The following L3MBTL4 variants were observed in gnomAD, a reference collection of about 807,000 sequenced individuals.
The protein encoded by L3MBTL4 is lethal(3)malignant brain tumor-like protein 4.
Under a neutral mutation model 84.5 loss-of-function variants are expected in L3MBTL4, and 70 were observed. The observed-to-expected ratio is 0.83, with a 90% CI of 0.68 to 1.01. L3MBTL4 has a LOEUF of 1.01. L3MBTL4 is among the 50% of genes least tolerant of loss of function. The probability of loss-of-function intolerance (pLI) is 0.00; values close to 1 mark genes in which losing one functional copy is unlikely to be tolerated. For synonymous variants in L3MBTL4, 274 were observed against 259.8 expected (o/e 1.05, Z -0.52); for missense variants, 715 against 754.8 (o/e 0.95, Z 0.62).
At chr18:6,148,498 T>C (rs1859787371) in intron 13 of L3MBTL4, among the ~76,000 whole-genome samples, 1 of 152,154 alleles carries the variant, frequency 6.6e-6, no homozygotes, top group South Asian at 2.1e-4. Flanking sequence ...CTATCACGGT[T>C]CACTGCAGCA....
At chr18:5,980,654 A>T (rs539795505) in intron 16 of L3MBTL4, among the ~76,000 whole-genome samples, 1 of 151,904 alleles carries the variant, frequency 6.6e-6, no homozygotes, top group East Asian at 1.9e-4. Flanking sequence ...CTGGTCTCGA[A>T]CTCCTGACCT....
intron 4 of L3MBTL4, among the ~76,000 whole-genome samples, chr18:6,293,304 A>AT: frequency 6.6e-6 from 1 of 152,146 alleles, no homozygotes; most frequent in Admixed American, 6.5e-5. Context: ...GAAATGACTG[A>AT]TTCAACGTCT....
chr18:6,209,205 T>A (rs534095791), intron 12 of L3MBTL4, among the ~76,000 whole-genome samples: 2 of 152,280 alleles, frequency 1.3e-5, no homozygotes, highest in African/African-American at 2.4e-5. Flanking sequence ...AAAGAGTTGA[T>A]GTGAAGCCAA....
At chr18:6,353,678 C>T (rs565568970) in intron 1 of L3MBTL4, among the ~76,000 whole-genome samples, 77 of 151,886 alleles carry the variant, frequency 5.1e-4, no homozygotes, top group Non-Finnish European at 9.7e-4. Context: ...TTTTTAAAAT[C>T]CCTTTTACAA....
intron 16 of L3MBTL4, among the ~76,000 whole-genome samples, chr18:6,019,972 T>C (rs2055176337): frequency 6.6e-6 from 1 of 152,230 alleles, no homozygotes; most frequent in Non-Finnish European, 1.5e-5. Context: ...GCATCATTTA[T>C]TCGGAAGTGT....
intron 13 of L3MBTL4, among the ~76,000 whole-genome samples, chr18:6,152,778 T>C (rs2144858067): frequency 6.6e-6 from 1 of 152,294 alleles, no homozygotes; most frequent in Non-Finnish European, 1.5e-5. Context: ...ATTTTTGCTT[T>C]TGTTGTCATA....
intron 13 of L3MBTL4, among the ~76,000 whole-genome samples, chr18:6,158,334 C>T (rs1291250421): frequency 6.6e-6 from 1 of 152,066 alleles, no homozygotes; most frequent in Non-Finnish European, 1.5e-5. Flanking sequence ...CCCATGGAGG[C>T]CTTTCTAAGA....
At chr18:5,963,492 A>G (rs927488816) in intron 17 of L3MBTL4, among the ~76,000 whole-genome samples, 1 of 151,948 alleles carries the variant, frequency 6.6e-6, no homozygotes, top group Non-Finnish European at 1.5e-5. Context: ...TGCCACCTCC[A>G]CCTCATCCTC....
intron 12 of L3MBTL4, among the ~76,000 whole-genome samples, chr18:6,201,705 T>A (rs80066775): frequency 0.032 from 4,846 of 152,206 alleles, 244 homozygotes; most frequent in African/African-American, 0.11. Flanking sequence ...AAAATGCAAA[T>A]TTATATTCAA....
intron 5 of L3MBTL4, among the ~76,000 whole-genome samples, chr18:6,253,227 A>C (rs1219231243): frequency 6.6e-6 from 1 of 150,478 alleles, no homozygotes; most frequent in Non-Finnish European, 1.5e-5. Context: ...CAAACAAAAA[A>C]CCCTATATTG....
chr18:6,310,652 T>C (rs932555941), intron 3 of L3MBTL4, among the ~76,000 whole-genome samples: 1 of 152,068 alleles, frequency 6.6e-6, no homozygotes, highest in Non-Finnish European at 1.5e-5. Context: ...TAAGAACCAA[T>C]GAAGGGTCAC....
At chr18:6,160,084 T>C (rs1385122684) in intron 13 of L3MBTL4, among the ~76,000 whole-genome samples, 1 of 152,216 alleles carries the variant, frequency 6.6e-6, no homozygotes, top group African/African-American at 2.4e-5. Flanking sequence ...GGGGCTGCCC[T>C]GCTGGTGGAC....
chr18:6,063,981 T>C (rs922458734), intron 16 of L3MBTL4, among the ~76,000 whole-genome samples: 2 of 152,134 alleles, frequency 1.3e-5, no homozygotes, highest in South Asian at 2.1e-4. Flanking sequence ...ATAATTTTTA[T>C]GGTTTCAGGT....
intron 16 of L3MBTL4, among the ~76,000 whole-genome samples, chr18:5,999,552 A>T (rs150784626): frequency 6.6e-6 from 1 of 152,380 alleles, no homozygotes; most frequent in Non-Finnish European, 1.5e-5. Context: ...TAAACATGCT[A>T]ATCAGCAAGG....
chr18:5,989,191 GCTTT>G (rs917741504), intron 16 of L3MBTL4, among the ~76,000 whole-genome samples: 4 of 152,138 alleles, frequency 2.6e-5, no homozygotes, highest in African/African-American at 9.7e-5. Context: ...CTAGAAATCT[GCTTT>G]CTATGTGAAA....
At chr18:6,038,426 T>C (rs905142418) in intron 16 of L3MBTL4, among the ~76,000 whole-genome samples, 19 of 151,970 alleles carry the variant, frequency 1.3e-4, no homozygotes, top group African/African-American at 4.4e-4. Flanking sequence ...GTTAACTTTT[T>C]TGTATTTTTA....
chr18:6,042,612 T>A (rs1178291610), intron 16 of L3MBTL4, among the ~76,000 whole-genome samples: 1 of 152,222 alleles, frequency 6.6e-6, no homozygotes, highest in Admixed American at 6.5e-5. Flanking sequence ...TACTGAGACC[T>A]CTTTTTCCTC....
rs183155388 is a variant in L3MBTL4 at position 6,014,076 on chromosome 18, C to A, written c.1445-44514G>T. 2.6e-3 allele frequency among the ~76,000 whole-genome samples: 399 copies of A among 152,314 alleles called. 1 individual carries two copies. The highest frequency in any genetic ancestry group is 3.9e-3 in the Non-Finnish European group (265 of 68,030). The stretch of plus-strand genomic sequence containing the variant: ...TGACCTTTGGCCAGAGACTTCATTA[C>A]TCTGGGCCTCGATTTTCTCTTTGGT... On this transcript the variant is annotated intron_variant, in intron 16 of 18. Coordinates refer to ENST00000317931, the MANE Select transcript of L3MBTL4 (RefSeq NM_001330559.2).
intron 5 of L3MBTL4, among the ~76,000 whole-genome samples, chr18:6,257,937 C>T (rs902513645): frequency 3.3e-5 from 5 of 152,244 alleles, no homozygotes; most frequent in Admixed American, 1.3e-4. Flanking sequence ...TGAGCCACAT[C>T]GCCGGGCTCT....
Sources: allele counts gnomAD v4.1 joint callset (sites outside exome capture counted in the v4.1 genomes callset), GRCh38; gene constraint gnomAD v4.1.1; transcripts MANE v1.5; gene names NCBI Gene and HGNC (gene_info 2026-07-23, HGNC 2026-07-21).